The following TRIP12 variants were observed in gnomAD, a reference collection of about 807,000 sequenced individuals.
TRIP12 encodes thyroid hormone receptor interactor 12, also known as E3 ubiquitin-protein ligase TRIP12.
In TRIP12, 25 loss-of-function variants were observed where a neutral mutation model predicts 244.2. The ratio of observed to expected loss-of-function variants is 0.10; its 90% CI spans 0.07 to 0.14. TRIP12 has a LOEUF of 0.14. Among genes scored for constraint, TRIP12 ranks in the 10% least tolerant of loss-of-function variants. The pLI is 1.00. For synonymous variants in TRIP12, 905 were observed against 873.1 expected (o/e 1.04, Z -0.64); for missense variants, 1,677 against 2,486.4 (o/e 0.67, Z 6.92).
intron 26 of TRIP12, 119 bp downstream of exon 26, chr2:229,795,060 A>C (rs1455882094): frequency 1.7e-6 from 2 of 1,209,904 alleles, no homozygotes; most frequent in Non-Finnish European, 1.1e-6. Context: ...TTCTTTCATC[A>C]TTACAGCTGA....
intron 1 of TRIP12, chr2:229,921,383 C>G (rs191779484): frequency 1.3e-5 from 2 of 152,574 alleles, no homozygotes; most frequent in Non-Finnish European, 2.9e-5. Context: ...GCCCCGGAGC[C>G]TCCCCTTTCC....
intron 6 of TRIP12, among the ~76,000 whole-genome samples, chr2:229,833,717 T>G (rs2054038585): frequency 6.6e-6 from 1 of 152,226 alleles, no homozygotes; most frequent in African/African-American, 2.4e-5. Flanking sequence ...GTAGTTTAGG[T>G]TATCTAAAGT....
chr2:229,817,442 A>T (rs1373262941), intron 9 of TRIP12, among the ~76,000 whole-genome samples: 3 of 152,192 alleles, frequency 2.0e-5, no homozygotes, highest in Non-Finnish European at 1.5e-5. Context: ...TAAGGTGCCT[A>T]CATTTGATAA....
At chr2:229,771,175 C>T (rs963807721) in intron 39 of TRIP12, among the ~76,000 whole-genome samples, 6 of 152,224 alleles carry the variant, frequency 3.9e-5, no homozygotes, top group Admixed American at 3.3e-4. Flanking sequence ...AGTCAAGCCC[C>T]CTCCATGTCT....
At chr2:229,833,219 C>A (rs2053902806) in intron 6 of TRIP12, among the ~76,000 whole-genome samples, 1 of 152,294 alleles carries the variant, frequency 6.6e-6, no homozygotes, top group East Asian at 1.9e-4. Context: ...TATAGAAGAA[C>A]ATAATTAAAA....
chr2:229,792,115 T>C (rs1362263602), intron 28 of TRIP12, 38 bp downstream of exon 28: 5 of 1,613,948 alleles, frequency 3.1e-6, no homozygotes, highest in Non-Finnish European at 4.2e-6. Context: ...CTGAACTTTA[T>C]ATAGTACATT....
intron 34 of TRIP12, among the ~76,000 whole-genome samples, chr2:229,782,121 C>T (rs952993223): frequency 5.9e-5 from 9 of 152,098 alleles, no homozygotes; most frequent in African/African-American, 2.2e-4. Context: ...TAAAAACATA[C>T]CAAATGGTTA....
intron 1 of TRIP12, among the ~76,000 whole-genome samples, chr2:229,897,584 T>C (rs535250789): frequency 6.6e-6 from 1 of 152,066 alleles, no homozygotes; most frequent in African/African-American, 2.4e-5. Flanking sequence ...GAGGCGGAGG[T>C]TGCAGTCAGC....
At chr2:229,793,590 T>TA (rs2042089582) in intron 26 of TRIP12, among the ~76,000 whole-genome samples, 1 of 152,228 alleles carries the variant, frequency 6.6e-6, no homozygotes, top group South Asian at 2.1e-4. Flanking sequence ...CATTAAAAAC[T>TA]AACCTTTAAA....
intron 6 of TRIP12, chr2:229,831,129 A>G (rs1267639509): frequency 2.8e-6 from 2 of 715,746 alleles, no homozygotes; most frequent in Non-Finnish European, 2.6e-6. Flanking sequence ...TTTAATTAAG[A>G]TGTCCTGAAT....
intron 5 of TRIP12, among the ~76,000 whole-genome samples, chr2:229,840,529 G>A (rs1046682977): frequency 6.6e-6 from 1 of 151,704 alleles, no homozygotes; most frequent in Non-Finnish European, 1.5e-5. Flanking sequence ...TGGTGAAACC[G>A]CATCTCTACT....
rs202071608 is a variant in TRIP12 at position 229,880,008 on chromosome 2, T to C, written c.72A>G (p.Gln24=). The C allele has an allele frequency of 3.7e-6, 6 of 1,614,218 alleles. No individual in the cohort carries two copies. The highest frequency in any genetic ancestry group is 5.1e-6 in the Non-Finnish European group (6 of 1,180,040). ...RRSQRNTAGA[Q]PQDDSIGGRS... is the part of the protein sequence containing the mutation. ...TTCCTCCTATTGAGTCGTCTTGTGG[T>C]TGGGCCCCGGCAGTGTTCCTCTGTG... Residue 24 remains glutamine, a synonymous_variant, in exon 2 of 42, where the codon CAA becomes CAG. Transcript: ENST00000675903.
At chr2:229,821,578 A>T (rs2050068596) in intron 8 of TRIP12, among the ~76,000 whole-genome samples, 1 of 152,222 alleles carries the variant, frequency 6.6e-6, no homozygotes, top group Non-Finnish European at 1.5e-5. Context: ...AACATTATGG[A>T]CACTGAAATT....
intron 1 of TRIP12, among the ~76,000 whole-genome samples, chr2:229,914,583 G>C (rs749445382): frequency 5.9e-5 from 9 of 152,140 alleles, no homozygotes; most frequent in Non-Finnish European, 1.2e-4. Context: ...TAGGTTTCCA[G>C]GGCATCGCAC....
At chr2:229,806,124 T>C (rs2045820584) in intron 17 of TRIP12, 3 of 333,226 alleles carry the variant, frequency 9.0e-6, no homozygotes, top group East Asian at 9.0e-5. Context: ...TAGACATAAA[T>C]GCAGGTAAAA....
rs749557940 is a variant in TRIP12 at position 229,792,186 on chromosome 2, G to A, written c.4182C>T (p.Asp1394=). Reference sequence around the variant, plus strand: ...CATCTATTTCCTCATCTGATCCATCGTCATCGCTGTCTTCATCATCTTCTC... The same window carrying A: ...CATCTATTTCCTCATCTGATCCATCATCATCGCTGTCTTCATCATCTTCTC... ...RVREDDEDSD[D]DGSDEEIDES... is the part of the protein sequence containing the mutation. The change falls in exon 28 of 42, where the codon GAC becomes GAT. Residue 1394 remains aspartate, a synonymous_variant. Transcript: ENST00000675903. 18 of 1,613,644 alleles carry A rather than the reference G, an allele frequency of 1.1e-5. No individual in the cohort carries two copies. Among genetic ancestry groups the A allele is most frequent in the East Asian group, 8.9e-5 (4 of 44,880 alleles).
intron 1 of TRIP12, among the ~76,000 whole-genome samples, chr2:229,898,718 G>T (rs561369631): frequency 1.3e-5 from 2 of 151,688 alleles, no homozygotes; most frequent in African/African-American, 4.8e-5. Context: ...TTAAAGACAG[G>T]GTCCCACTGT....
At chr2:229,832,156 G>T (rs756609156) in intron 6 of TRIP12, among the ~76,000 whole-genome samples, 9 of 151,596 alleles carry the variant, frequency 5.9e-5, no homozygotes, top group Non-Finnish European at 1.3e-4. Flanking sequence ...TCATTATTGG[G>T]ATTAAAAAAA....
chr2:229,774,280 G>C lies in TRIP12; in HGVS notation c.5530-19C>G. 6.3e-7 allele frequency: 1 copy of C among 1,587,926 alleles called. No individual in the cohort carries two copies. The highest frequency in any genetic ancestry group is 8.6e-7 in the Non-Finnish European group (1 of 1,169,526). On this transcript the variant is annotated intron_variant, in intron 37 of 41. Transcript: ENST00000675903. ...CTTTGGTCTAAAAAACACAAATGGG[G>C]GAGAAATGGTGTCAAGCAAAATTAA... is the stretch of plus-strand genomic sequence containing the variant.
Sources: allele counts gnomAD v4.1 joint callset (sites outside exome capture counted in the v4.1 genomes callset), GRCh38; gene constraint gnomAD v4.1.1; transcripts MANE v1.5; gene names NCBI Gene and HGNC (gene_info 2026-07-23, HGNC 2026-07-21).